Variants in ESRRB observed in about 807,000 individuals in gnomAD.
ESRRB encodes the protein estrogen related receptor beta.
In ESRRB, 16 loss-of-function variants were observed where a neutral mutation model predicts 46.0. The observed-to-expected ratio is 0.35, with a 90% CI of 0.24 to 0.53. The LOEUF (loss-of-function observed/expected upper bound fraction) is 0.53, where lower values mean the gene tolerates loss of function less well. Ranked by LOEUF, ESRRB falls within the 20% of genes least tolerant of loss-of-function variation. The probability of loss-of-function intolerance (pLI) is 0.93; values close to 1 mark genes in which losing one functional copy is unlikely to be tolerated. For synonymous variants in ESRRB, 246 were observed against 259.6 expected, an observed-to-expected ratio of 0.95 and a Z score of 0.50; for missense variants, 488 against 607.4, an observed-to-expected ratio of 0.80 and a Z score of 2.07.
chr14:76,319,142 T>C (rs1483113137), intron 1 of ESRRB, among the ~76,000 whole-genome samples: 1 of 152,210 alleles, frequency 6.6e-6, no homozygotes, highest in Admixed American at 6.5e-5. Context: ...TGGGATGCCA[T>C]TTAACATGGC....
chr14:76,491,384 C>T, intron 5 of ESRRB, 63 bp from the exon 6 acceptor site: 7 of 1,562,744 alleles, frequency 4.5e-6, no homozygotes, highest in Non-Finnish European at 6.1e-6. Context: ...CAGCGAGCCC[C>T]AGGGAGGCCC....
chr14:76,448,312 G>A (rs1888236997), intron 2 of ESRRB, among the ~76,000 whole-genome samples: 1 of 150,690 alleles, frequency 6.6e-6, no homozygotes, highest in Non-Finnish European at 1.5e-5. Flanking sequence ...TAAGGCACAG[G>A]GTTACATTTA....
At position 76,414,809 on chromosome 14, in the gene ESRRB, C is replaced by G. The variant is rs142875201; in HGVS notation, c.51-24532C>G. 3.4e-3 allele frequency among the ~76,000 whole-genome samples: 514 copies of G among 152,218 alleles called. 6 individuals carry two copies. Among genetic ancestry groups the G allele is most frequent in the African/African-American group, 0.012 (480 of 41,526 alleles). ...CCAGAGAGGCACCAGGTGGACTGCC[C>G]GTGGCCTGGAGGTGCAGTGGCTTGT... On this transcript the variant is annotated intron_variant, in intron 1 of 6. Transcript: ENST00000644823.
At chr14:76,465,330 G>A (rs980654575) in intron 3 of ESRRB, among the ~76,000 whole-genome samples, 1 of 152,264 alleles carries the variant, frequency 6.6e-6, no homozygotes, top group East Asian at 1.9e-4. Flanking sequence ...GGACCATCTT[G>A]TAACACTGAG....
In ESRRB at chr14:76,314,995, G is replaced by A. The variant is rs73310539; in HGVS notation, c.2+4079G>A. ...AGTGAGCAGTTTCTATTTGTTTCAC[G>A]TGGGCCTTTTTTCCCTGTTTCATGA... is the stretch of plus-strand genomic sequence containing the variant. On this transcript the variant is annotated intron_variant, in intron 1 of 6. Coordinates refer to the ESRRB transcript ENST00000512784. Among the ~76,000 whole-genome samples the A allele has an allele frequency of 4.4e-3, 669 of 152,104 alleles. 5 individuals carry two copies. Among genetic ancestry groups the A allele is most frequent in the Non-Finnish European group, 5.8e-3 (396 of 68,008 alleles).
At chr14:76,464,767 C>A (rs1398800795) in intron 3 of ESRRB, among the ~76,000 whole-genome samples, 1 of 152,194 alleles carries the variant, frequency 6.6e-6, no homozygotes, top group Non-Finnish European at 1.5e-5. Flanking sequence ...AGTGGCTGAA[C>A]TGGGTCCCCT....
intron 1 of ESRRB, chr14:76,407,506 G>A: frequency 1.0e-6 from 1 of 983,392 alleles, no homozygotes; most frequent in Non-Finnish European, 1.2e-6. Flanking sequence ...GTATCTAAGT[G>A]CGATCTTACT....
At chr14:76,332,600 T>TTA (rs1555389298) in intron 1 of ESRRB, among the ~76,000 whole-genome samples, 26 of 38,410 alleles carry the variant, frequency 6.8e-4, no homozygotes, top group Admixed American at 1.4e-3. Context: ...ATATTATATA[T>TTA]TATATATTTA....
At chr14:76,455,425 C>T (rs1160781019) in intron 2 of ESRRB, among the ~76,000 whole-genome samples, 4 of 152,146 alleles carry the variant, frequency 2.6e-5, no homozygotes, top group Admixed American at 6.5e-5. Flanking sequence ...GCTCCAATTA[C>T]ACAACCCATC....
intron 1 of ESRRB, among the ~76,000 whole-genome samples, chr14:76,396,516 T>G (rs570770375): frequency 6.6e-6 from 1 of 152,346 alleles, no homozygotes; most frequent in Non-Finnish European, 1.5e-5. Flanking sequence ...AATGTGTAAG[T>G]TAAGGGAACC....
chr14:76,369,157 A>G (rs946231904), upstream of ESRRB, among the ~76,000 whole-genome samples: 1 of 150,506 alleles, frequency 6.6e-6, no homozygotes, highest in Non-Finnish European at 1.5e-5. Flanking sequence ...AGATGGTGCC[A>G]CTGCACTCCA....
rs149814134 is a variant in ESRRB at position 76,317,645 on chromosome 14, C to T, written c.2+6729C>T. 2.4e-4 allele frequency among the ~76,000 whole-genome samples: 36 copies of T among 152,246 alleles called. No individual in the cohort carries two copies. The East Asian group carries it at 6.0e-3, about 25-fold the overall frequency. ...GAGGCCCAGTGTTGGAGACCGCTTC[C>T]GCCCGCGGGCTCCGGTAGTCGGAAG... is the stretch of plus-strand genomic sequence containing the variant. On this transcript the variant is annotated intron_variant, in intron 1 of 6. Transcript: ENST00000512784.
chr14:76,478,220 T>C (rs1889657493), intron 3 of ESRRB, among the ~76,000 whole-genome samples: 1 of 152,120 alleles, frequency 6.6e-6, no homozygotes, highest in South Asian at 2.1e-4. Context: ...GCCTAGTCAG[T>C]AGGGGAAGCC....
chr14:76,476,069 GT>G (rs79346463), intron 3 of ESRRB, among the ~76,000 whole-genome samples: 15,385 of 146,540 alleles, frequency 0.1, 915 homozygotes, highest in Middle Eastern at 0.19. Flanking sequence ...AGTGAAGTGG[GT>G]TTTTTTTTTT....
intron 3 of ESRRB, among the ~76,000 whole-genome samples, 161 bp downstream of exon 3, chr14:76,462,822 G>T (rs1031485711): frequency 6.6e-6 from 1 of 152,142 alleles, no homozygotes; most frequent in Non-Finnish European, 1.5e-5. Context: ...CACGGCGCCC[G>T]CATGGCTCTC....
rs992221499 is a variant in ESRRB, at chr14:76,482,266, C to T, written c.688+140C>T. Reference sequence around the variant, plus strand: ...GGGGAGGTGACATCAGTGCCTGGCACATTTAGAATGTGGCTCCAAATGAAG... The same window carrying T: ...GGGGAGGTGACATCAGTGCCTGGCATATTTAGAATGTGGCTCCAAATGAAG... On this transcript the variant is annotated intron_variant, in intron 4 of 6. Coordinates refer to ENST00000644823, the MANE Select transcript of ESRRB (RefSeq NM_001379180.1). This position sits in a 1 kb window ranked among gnomAD's most constrained non-coding sequence, Gnocchi z 4.3. The T allele has an allele frequency of 1.1e-5, 8 of 749,716 alleles. No homozygotes were observed. Among genetic ancestry groups the T allele is most frequent in the Non-Finnish European group, 1.9e-5 (8 of 430,106 alleles). 46.4% of individuals were successfully genotyped at this position (749,716 alleles called of 1,614,324 possible).
At position 76,499,680 on chromosome 14, in the gene ESRRB, C is replaced by T. The variant is rs1890585404; in HGVS notation, c.*1222C>T. 1 of 672,390 alleles carries T rather than the reference C, an allele frequency of 1.5e-6. No homozygotes were observed. Among genetic ancestry groups the T allele is most frequent in the East Asian group, 2.7e-5 (1 of 36,730 alleles). 41.7% of individuals were successfully genotyped at this position (672,390 alleles called of 1,614,324 possible). ...AGCACGCCAGCTCTCTGGCAGGACC[C>T]CTGCAGTCCCCCTGGCTGTGCCAGG... On this transcript the variant is annotated 3_prime_UTR_variant, in exon 7 of 7. Coordinates refer to ENST00000644823, the MANE Select transcript of ESRRB (RefSeq NM_001379180.1).
intron 1 of ESRRB, among the ~76,000 whole-genome samples, chr14:76,343,658 G>T (rs1884217097): frequency 6.6e-6 from 1 of 152,244 alleles, no homozygotes; most frequent in Admixed American, 6.5e-5. Context: ...CCACGGGGCT[G>T]CTTGGGCTTC....
intron 1 of ESRRB, among the ~76,000 whole-genome samples, chr14:76,387,587 T>G (rs1465267591): frequency 1.3e-5 from 2 of 152,148 alleles, no homozygotes; most frequent in Non-Finnish European, 2.9e-5. Context: ...CATGCATGCA[T>G]GCACACCTAC....
Sources: allele counts gnomAD v4.1 joint callset (sites outside exome capture counted in the v4.1 genomes callset), GRCh38; gene constraint gnomAD v4.1.1; non-coding constraint Gnocchi (gnomAD v3.1); transcripts MANE v1.5; gene names NCBI Gene and HGNC (gene_info 2026-07-23, HGNC 2026-07-21).